C1orf50: variants seen among roughly 807,000 people sequenced by gnomAD.
C1orf50 encodes the protein chromosome 1 open reading frame 50.
In C1orf50, 22 loss-of-function variants were observed where a neutral mutation model predicts 23.3. The observed-to-expected ratio is 0.94, with a 90% confidence interval of 0.67 to 1.35. The LOEUF is 1.35. Ranked by LOEUF, C1orf50 falls within the 40% of genes most tolerant of loss-of-function variation. The pLI is 0.00. For synonymous variants in C1orf50, 96 were observed against 102.4 expected, an observed-to-expected ratio of 0.94 and a Z score of 0.38; for missense variants, 271 against 249.4, an observed-to-expected ratio of 1.09 and a Z score of -0.58.
chr1:42,767,385 A>C lies in C1orf50; in HGVS notation c.74A>C (p.Gln25Pro). The change falls in exon 1 of 5, where the codon CAG (glutamine) becomes CCG (proline). Residue 25 changes from glutamine to proline, a missense_variant. Physicochemically the swap from Gln to Pro is moderately conservative, Grantham distance 76 (BLOSUM62 -1). Transcript: ENST00000372525. The part of the protein sequence containing the change: ...ERQGAPPAAG[Q>P]GGALVELTPT... ...CAAGGAGCGCCGCCAGCTGCAGGCC[A>C]GGGAGGTATGCGGGGCGGGAGTCAG... 1 of 1,555,974 alleles carries C rather than the reference A, an allele frequency of 6.4e-7. No homozygotes were observed. The highest frequency in any genetic ancestry group is 2.0e-5 in the Admixed American group (1 of 49,304).
At position 42,773,603 on chromosome 1, in the gene C1orf50, C is replaced by A. The variant is rs187379373; in HGVS notation, c.236C>A (p.Thr79Lys). The A allele has an allele frequency of 3.7e-4, 602 of 1,612,952 alleles. No individual in the cohort carries two copies. The highest frequency in any genetic ancestry group is 5.0e-4 in the Non-Finnish European group (595 of 1,179,094). ...CGAGCAAATGCCACCAACAAGCTGA[C>A]AGTCATAGCTGAGCAAATCCAACAT... ...FIRANATNKLTVIAEQIQHLQ... is the reference protein window; with the variant it reads ...FIRANATNKLKVIAEQIQHLQ... Residue 79 changes from threonine (T) to lysine (K), a missense_variant, in exon 3 of 5, where the codon ACA (threonine) becomes AAA (lysine). By Grantham distance (78) the Thr-to-Lys change is moderately conservative. Transcript: ENST00000372525.
In C1orf50 at chr1:42,774,827, C is replaced by A. The variant is rs145247299; in HGVS notation, c.373C>A (p.Arg125=). Reference sequence around the variant, plus strand: ...TGGCAACATTTACTATCTCTATAAACGGGAGAGTGGTCAGCAGTATTTTTC... The same window carrying A: ...TGGCAACATTTACTATCTCTATAAAAGGGAGAGTGGTCAGCAGTATTTTTC... ...KPGNIYYLYK[R]ESGQQYFSII... is the part of the protein sequence containing the mutation. The change falls in exon 4 of 5, where the codon CGG becomes AGG. Residue 125 remains arginine, a synonymous_variant. Transcript: ENST00000372525. The A allele has an allele frequency of 6.2e-7, 1 of 1,613,220 alleles. No individual in the cohort carries two copies. Among genetic ancestry groups the A allele is most frequent in the Non-Finnish European group, 8.5e-7 (1 of 1,179,816 alleles).
chr1:42,773,870 T>A (rs1394784572), intron 3 of C1orf50, among the ~76,000 whole-genome samples: 1 of 152,246 alleles, frequency 6.6e-6, no homozygotes, highest in East Asian at 1.9e-4. Flanking sequence ...TTGCCCAGGC[T>A]GGAGTGCAGT....
In C1orf50 at chr1:42,772,018, A is replaced by C. The variant is rs146983484; in HGVS notation, c.196-1545A>C. ...TATTGTTAGAATTAATTTACTATTAACGTGGCTACCAGAAAATTTAAAATT... is the reference window on the plus strand; with the variant it reads ...TATTGTTAGAATTAATTTACTATTACCGTGGCTACCAGAAAATTTAAAATT... On this transcript the variant is annotated intron_variant, in intron 2 of 4. Transcript: ENST00000372525. Among the ~76,000 whole-genome samples, 523 of 152,198 alleles carry C rather than the reference A, an allele frequency of 3.4e-3. 5 individuals are homozygous for C. The highest frequency in any genetic ancestry group is 0.012 in the African/African-American group (498 of 41,528).
rs780371036 is a variant in C1orf50, at chr1:42,775,383, C to G, written c.589C>G (p.Leu197Val). ...GTGCACTGAACCCAACTTCCAGGGA[C>G]TGACTCACTGAGAGTGGGCTTTGAC... ...PPCTEPNFQG[L>V]TH Residue 197 changes from leucine (L) to valine (V), a missense_variant, in exon 5 of 5, where the codon CTG becomes GTG. Coordinates refer to ENST00000372525, the MANE Select transcript of C1orf50 (RefSeq NM_024097.4). 1 of 1,585,242 alleles carries G rather than the reference C, an allele frequency of 6.3e-7. No homozygotes were observed. Among genetic ancestry groups the G allele is most frequent in the Non-Finnish European group, 8.6e-7 (1 of 1,157,024 alleles).
chr1:42,770,493 C>T (rs60132109), intron 2 of C1orf50, among the ~76,000 whole-genome samples: 15,214 of 150,898 alleles, frequency 0.1, 866 homozygotes, highest in East Asian at 0.24. Flanking sequence ...AGTGCAATGG[C>T]GCCATCTTGG....
rs1557586509 is a variant in C1orf50 at position 42,775,911 on chromosome 1, A to AGC, written c.*517_*518insGC. On this transcript the variant is annotated 3_prime_UTR_variant, in exon 5 of 5. Transcript: ENST00000372525. The stretch of plus-strand genomic sequence containing the variant: ...ATTTAAAAAACAACAACAACAACAA[A>AGC]AAAAAAAACACTTGGCTTGGCTGGA... 3 of 150,298 alleles carry AGC rather than the reference A, an allele frequency of 2.0e-5. No individual in the cohort carries two copies. The highest frequency in any genetic ancestry group is 7.4e-5 in the African/African-American group (3 of 40,530). 9.3% of individuals were successfully genotyped at this position (150,298 alleles called of 1,614,324 possible).
Position 42,767,320 on chromosome 1 carries a change from C to T in C1orf50, c.9C>T (p.Asp3=), listed in dbSNP as rs775113496. The stretch of plus-strand genomic sequence containing the variant: ...GAGGATAAGGCGCTGTCATGGAGGA[C>T]GCCGCCGCGCCGGGGCGGACCGAGG... ME[D]AAAPGRTEGV... is the part of the protein sequence containing the mutation. Residue 3 remains aspartate, a synonymous_variant, in exon 1 of 5, where the codon GAC becomes GAT. Coordinates refer to ENST00000372525, the MANE Select transcript of C1orf50 (RefSeq NM_024097.4). 8 of 1,513,214 alleles carry T rather than the reference C, an allele frequency of 5.3e-6. No homozygotes were observed. Among genetic ancestry groups the T allele is most frequent in the South Asian group, 1.3e-5 (1 of 77,226 alleles). 93.7% of individuals were successfully genotyped at this position (1,513,214 alleles called of 1,614,324 possible).
Position 42,772,358 on chromosome 1 carries a change from G to A in C1orf50, c.196-1205G>A, listed in dbSNP as rs141662004. ...CTCCTCATTTCTTTACCTTAATTGTGTATAATCAGCTTTTCTTAAAAGTAA... is the reference window on the plus strand; with the variant it reads ...CTCCTCATTTCTTTACCTTAATTGTATATAATCAGCTTTTCTTAAAAGTAA... On this transcript the variant is annotated intron_variant, in intron 2 of 4. Transcript: ENST00000372525. Among the ~76,000 whole-genome samples the A allele has an allele frequency of 3.6e-3, 545 of 152,250 alleles. 3 individuals are homozygous for A. The highest frequency in any genetic ancestry group is 0.013 in the African/African-American group (519 of 41,518).
chr1:42,767,712 G>A, intron 2 of C1orf50, 88 bp downstream of exon 2: 2 of 1,180,738 alleles, frequency 1.7e-6, no homozygotes, highest in South Asian at 2.7e-5. Context: ...TACCACCTAT[G>A]GTGGGGGTGG....
rs1055428744 is a variant in C1orf50 at position 42,776,915 on chromosome 1, T to C, written c.*1521T>C. On this transcript the variant is annotated 3_prime_UTR_variant, in exon 5 of 5. Transcript: ENST00000372525. ...CTTAATGGTTTAAAGCAACACCTAT[T>C]TATTTCAGAGCTTACAGGTTAGGAG... 1 of 152,244 alleles carries C rather than the reference T, an allele frequency of 6.6e-6. No individual in the cohort carries two copies. Among genetic ancestry groups the C allele is most frequent in the Non-Finnish European group, 1.5e-5 (1 of 68,050 alleles). 9.4% of individuals were successfully genotyped at this position (152,244 alleles called of 1,614,324 possible).
rs890825778 is a variant in C1orf50, at chr1:42,778,756, T to G, written c.*3362T>G. The G allele has an allele frequency of 6.6e-6, 1 of 152,050 alleles. No individual in the cohort carries two copies. The highest frequency in any genetic ancestry group is 1.5e-5 in the Non-Finnish European group (1 of 67,988). 9.4% of individuals were successfully genotyped at this position (152,050 alleles called of 1,614,324 possible). On this transcript the variant is annotated 3_prime_UTR_variant, in exon 5 of 5. Coordinates refer to ENST00000372525, the MANE Select transcript of C1orf50 (RefSeq NM_024097.4). ...ACATTGACCAGAATTGACACGACAT[T>G]TGGGGAATCGCAGCCAGTTAAACAG...
Position 42,767,536 on chromosome 1 carries a change from C to T in C1orf50, c.107C>T (p.Pro36Leu), listed in dbSNP as rs1246911299. The T allele has an allele frequency of 6.3e-7, 1 of 1,596,652 alleles. No homozygotes were observed. ...GCCCTGGTGGAGCTCACCCCGACCC[C>T]CGGCGGCCTGGCCCTGGTGAGCCCC... ...GGALVELTPT[P>L]GGLALVSPYH... Residue 36 changes from proline to leucine, a missense_variant, in exon 2 of 5, where the codon CCC becomes CTC. Coordinates refer to ENST00000372525, the MANE Select transcript of C1orf50 (RefSeq NM_024097.4).
chr1:42,771,137 G>A (rs374549380), intron 2 of C1orf50, among the ~76,000 whole-genome samples: 2 of 152,020 alleles, frequency 1.3e-5, no homozygotes, highest in Admixed American at 6.5e-5. Context: ...CTGCTTCTAC[G>A]ACATAATTGT....
intron 2 of C1orf50, 81 bp downstream of exon 2, chr1:42,767,705 C>A: frequency 7.9e-7 from 1 of 1,264,964 alleles, no homozygotes; most frequent in Non-Finnish European, 1.1e-6. Flanking sequence ...ACCTCACTAC[C>A]ACCTATGGTG....
chr1:42,773,752 C>A, intron 3 of C1orf50, 103 bp downstream of exon 3: 1 of 686,802 alleles, frequency 1.5e-6, no homozygotes, highest in Admixed American at 2.6e-5. Flanking sequence ...TTTAATACCT[C>A]CTAGAAATGT....
chr1:42,774,916 A>G (rs780194960), intron 4 of C1orf50, 48 bp downstream of exon 4: 9 of 1,576,732 alleles, frequency 5.7e-6, no homozygotes, highest in Non-Finnish European at 7.8e-6. Flanking sequence ...GCCTCTGAGA[A>G]ATTCTTGGTA....
Position 42,767,490 on chromosome 1 carries a change from TC to T in C1orf50, c.80-17del. ...GACGGCGGGAGCTCACGGCTTGTGT[TC>T]CTGGGTGTGTGTCGCAGGAGCCCTG... On this transcript the variant is annotated intron_variant, in intron 1 of 4. Coordinates refer to ENST00000372525, the MANE Select transcript of C1orf50 (RefSeq NM_024097.4). The T allele has an allele frequency of 6.4e-7, 1 of 1,557,868 alleles. No individual in the cohort carries two copies. The highest frequency in any genetic ancestry group is 1.2e-5 in the South Asian group (1 of 84,910).
intron 2 of C1orf50, among the ~76,000 whole-genome samples, chr1:42,770,231 T>C (rs1653186847): frequency 6.6e-6 from 1 of 152,152 alleles, no homozygotes; most frequent in Non-Finnish European, 1.5e-5. Context: ...TCTTTTTTCC[T>C]TTTTTTGGAC....
Sources: gnomAD v4.1 joint callset for allele counts (sites outside exome capture counted in the v4.1 genomes callset) on GRCh38, gnomAD v4.1.1 for gene constraint, MANE v1.5 for transcripts, NCBI Gene and HGNC (gene_info 2026-07-23, HGNC 2026-07-21) for gene names.